The following SLC29A3 variants were observed in gnomAD, a reference collection of about 807,000 sequenced individuals.
SLC29A3 encodes equilibrative nucleoside transporter 3.
In SLC29A3, 18 loss-of-function variants were observed where a neutral mutation model predicts 25.4. The observed-to-expected ratio is 0.71, with a 90% CI of 0.49 to 1.05. The LOEUF is 1.05. SLC29A3 is among the 50% of genes least tolerant of loss of function. The pLI is 0.00. For missense variants in SLC29A3, 586 were observed against 609.0 expected, an observed-to-expected ratio of 0.96 and a Z score of 0.40; for synonymous variants, 258 against 267.1, an observed-to-expected ratio of 0.97 and a Z score of 0.33.
intron 2 of SLC29A3, among the ~76,000 whole-genome samples, chr10:71,325,342 C>T (rs1443412873): frequency 6.6e-6 from 1 of 152,220 alleles, no homozygotes; most frequent in African/African-American, 2.4e-5. Context: ...TTTTGTAGTT[C>T]ATGAGTGTGA....
In SLC29A3 at chr10:71,362,256, ACCTATGTG is replaced by A. The variant is rs1205111368; in HGVS notation, c.1077_1084del (p.Asp359GlufsTer15). On this transcript the variant is annotated frameshift_variant, in exon 6 of 6. Coordinates refer to ENST00000373189, the MANE Select transcript of SLC29A3 (RefSeq NM_018344.6). LOFTEE classifies it high-confidence loss of function. ...ACCTTCCTCCTGTACAACTTTGCTG[ACCTATGTG>A]GCCGGCAGCTCACCGCCTGGATCCA... 6.2e-7 allele frequency: 1 copy of A among 1,613,916 alleles called. No homozygotes were observed. The highest frequency in any genetic ancestry group is 8.5e-7 in the Non-Finnish European group (1 of 1,179,978).
intron 2 of SLC29A3, 151 bp downstream of exon 2, chr10:71,323,205 TGG>T: frequency 9.6e-7 from 1 of 1,039,954 alleles, no homozygotes; most frequent in Non-Finnish European, 1.4e-6. Context: ...TGGTTCCATG[TGG>T]TGTGTATGGT....
At chr10:71,319,468 T>A (rs1845796589) in intron 1 of SLC29A3, 158 bp downstream of exon 1, 2 of 448,996 alleles carry the variant, frequency 4.5e-6, no homozygotes, top group African/African-American at 4.1e-5. Context: ...CCGTCCCTCC[T>A]CTCTCTCCTT....
chr10:71,355,443 G>A (rs1846877003), intron 4 of SLC29A3, among the ~76,000 whole-genome samples: 1 of 152,232 alleles, frequency 6.6e-6, no homozygotes, highest in African/African-American at 2.4e-5. Flanking sequence ...GTGTATGACT[G>A]TGTGTGTGAG....
At chr10:71,377,528 A>G (rs994072492) in intron 4 of SLC29A3, among the ~76,000 whole-genome samples, 1 of 152,204 alleles carries the variant, frequency 6.6e-6, no homozygotes, top group Non-Finnish European at 1.5e-5. Context: ...CGGGCCGCAC[A>G]GCCAATGCCC....
At chr10:71,334,322 C>A (rs549945608) in intron 2 of SLC29A3, among the ~76,000 whole-genome samples, 2 of 152,244 alleles carry the variant, frequency 1.3e-5, no homozygotes, top group African/African-American at 4.8e-5. Flanking sequence ...GAAGGCCGAC[C>A]GCGTTCCAGT....
chr10:71,361,803 T>G, intron 5 of SLC29A3, 151 bp from the exon 6 acceptor site: 1 of 902,836 alleles, frequency 1.1e-6, no homozygotes, highest in Non-Finnish European at 1.7e-6. Flanking sequence ...TGACAGCATC[T>G]GTCATCTCAG....
At position 71,369,915 on chromosome 10, in the gene SLC29A3, G is replaced by A. The variant is rs559917148; in HGVS notation, c.*95-5780G>A. ...CCTGCTGCCTTAAAAGATTGAGAAG[G>A]GCACTTCCAGTTTACATGGTTTGTG... On this transcript the variant is annotated intron_variant and NMD_transcript_variant, in intron 3 of 4. Transcript: ENST00000642772. Among the ~76,000 whole-genome samples, 5 of 152,274 alleles carry A rather than the reference G, an allele frequency of 3.3e-5. No individual in the cohort carries two copies. In the East Asian group the frequency reaches 9.6e-4, roughly 29 times the overall value.
chr10:71,332,515 C>T (rs1049161659), intron 2 of SLC29A3, among the ~76,000 whole-genome samples: 1 of 152,134 alleles, frequency 6.6e-6, no homozygotes, highest in African/African-American at 2.4e-5. Context: ...CTCCTCCCCG[C>T]ATAGAAAGAA....
At chr10:71,340,565 G>A (rs1846376273) in intron 2 of SLC29A3, among the ~76,000 whole-genome samples, 1 of 152,182 alleles carries the variant, frequency 6.6e-6, no homozygotes, top group Admixed American at 6.5e-5. Flanking sequence ...AGGCCCCAGT[G>A]GAGGTGAACT....
intron 5 of SLC29A3, among the ~76,000 whole-genome samples, chr10:71,357,333 T>G (rs2131845920): frequency 1.3e-5 from 2 of 151,970 alleles, no homozygotes; most frequent in East Asian, 3.9e-4. Context: ...GAGAATGGTG[T>G]GAACCTGGGA....
intron 3 of SLC29A3, among the ~76,000 whole-genome samples, chr10:71,348,893 G>A (rs1022566927): frequency 6.6e-6 from 1 of 152,218 alleles, no homozygotes; most frequent in African/African-American, 2.4e-5. Flanking sequence ...GGAAAGGGAA[G>A]GCAGTCAGCA....
At chr10:71,325,468 GGGATTCTGACT>G (rs1053116642) in intron 2 of SLC29A3, among the ~76,000 whole-genome samples, 1 of 152,168 alleles carries the variant, frequency 6.6e-6, no homozygotes, top group Admixed American at 6.5e-5. Flanking sequence ...CCACGCCCCA[GGGATTCTGACT>G]GGATTAGCCT....
intron 2 of SLC29A3, among the ~76,000 whole-genome samples, chr10:71,329,590 GA>G: frequency 6.6e-6 from 1 of 152,064 alleles, no homozygotes. Context: ...AGCCAGATAA[GA>G]ACCGTGATCC....
chr10:71,325,838 A>G (rs1361703929), intron 2 of SLC29A3, among the ~76,000 whole-genome samples: 1 of 151,508 alleles, frequency 6.6e-6, no homozygotes. Context: ...AGGGCACAGT[A>G]GAGTTTGTGG....
At chr10:71,334,210 G>A (rs1417261547) in intron 2 of SLC29A3, among the ~76,000 whole-genome samples, 1 of 152,234 alleles carries the variant, frequency 6.6e-6, no homozygotes, top group African/African-American at 2.4e-5. Context: ...CAGATGGTTC[G>A]TATTTTAGGC....
rs142543567 is a variant in SLC29A3, at chr10:71,338,477, C to T, written c.301-5732C>T. Among the ~76,000 whole-genome samples, 13 of 152,266 alleles carry T rather than the reference C, an allele frequency of 8.5e-5. No individual in the cohort carries two copies. In the East Asian group the frequency reaches 2.5e-3, roughly 29 times the overall value. On this transcript the variant is annotated intron_variant, in intron 2 of 5. Coordinates refer to ENST00000373189, the MANE Select transcript of SLC29A3 (RefSeq NM_018344.6). ...AGAGGAGAAAGAAATCAAACCCTGG[C>T]CGGGCACCATGGCTCAGCACCTGTA... is the stretch of plus-strand genomic sequence containing the variant.
chr10:71,359,860 T>G (rs12249513), intron 5 of SLC29A3, among the ~76,000 whole-genome samples: 9,321 of 152,266 alleles, frequency 0.061, 832 homozygotes, highest in African/African-American at 0.19. Flanking sequence ...ACAGTCAGCC[T>G]GTGTCTCCTG....
chr10:71,356,140 A>G lies in SLC29A3; in HGVS notation c.670A>G (p.Ser224Gly). Reference protein sequence around the residue: ...VASLVDLAASSDVRNSALAFF... With the variant: ...VASLVDLAASGDVRNSALAFF... Reference sequence around the variant, plus strand: ...CTCATTGGTGGACTTGGCTGCATCCAGTGATGTGAGGAACAGCGCCCTGGC... The same window carrying G: ...CTCATTGGTGGACTTGGCTGCATCCGGTGATGTGAGGAACAGCGCCCTGGC... Residue 224 changes from serine to glycine, a missense_variant, in exon 5 of 6, where the codon AGT becomes GGT. Physicochemically the swap from Ser to Gly is moderately conservative, Grantham distance 56. Transcript: ENST00000373189. 6.2e-7 allele frequency: 1 copy of G among 1,614,128 alleles called. No homozygotes were observed. Among genetic ancestry groups the G allele is most frequent in the Non-Finnish European group, 8.5e-7 (1 of 1,180,022 alleles).
Sources: gnomAD v4.1 joint callset for allele counts (sites outside exome capture counted in the v4.1 genomes callset) on GRCh38, gnomAD v4.1.1 for gene constraint, MANE v1.5 for transcripts, NCBI Gene and HGNC (gene_info 2026-07-23, HGNC 2026-07-21) for gene names.